CD6: variants seen among roughly 807,000 people sequenced by gnomAD.
CD6 encodes CD6 molecule.
A neutral mutation model predicts 75.3 loss-of-function variants in CD6; 53 were observed. The observed-to-expected ratio is 0.70, with a 90% CI of 0.56 to 0.88. The LOEUF is 0.88. Among genes scored for constraint, CD6 ranks in the 40% least tolerant of loss-of-function variants. The pLI is 0.00. For synonymous variants in CD6, 359 were observed against 381.5 expected (o/e 0.94, Z 0.69); for missense variants, 770 against 897.1 (o/e 0.86, Z 1.81).
intron 9 of CD6, among the ~76,000 whole-genome samples, chr11:61,016,488 G>A (rs1565162385): frequency 6.6e-6 from 1 of 152,256 alleles, no homozygotes. Flanking sequence ...GTGTGTGACA[G>A]AAAGCTCCAA....
At chr11:61,006,494 G>A (rs1302151172) in intron 1 of CD6, 80 bp from the exon 2 acceptor site, 2 of 1,180,632 alleles carry the variant, frequency 1.7e-6, no homozygotes, top group Admixed American at 4.0e-5. Context: ...TCCAGGAAGT[G>A]CCCCCTGCTC....
intron 1 of CD6, among the ~76,000 whole-genome samples, chr11:60,973,087 C>G (rs909462275): frequency 6.6e-6 from 1 of 152,224 alleles, no homozygotes; most frequent in African/African-American, 2.4e-5. Context: ...TTCCTCTTCC[C>G]CATGAAGCCC....
rs1369127270 is a variant in CD6 at position 61,009,745 on chromosome 11, C to G, written c.955C>G (p.Pro319Ala). ...TGCGGTTGAGAGGCCCAAGGGGCTGCCCCACTCCTTGTCCGGCAGGATGTA... is the reference window on the plus strand; with the variant it reads ...TGCGGTTGAGAGGCCCAAGGGGCTGGCCCACTCCTTGTCCGGCAGGATGTA... ...GTAVERPKGL[P>A]HSLSGRMYYS... is the part of the protein sequence containing the mutation. The change falls in exon 5 of 13, where the codon CCC (proline) becomes GCC (alanine). Residue 319 changes from proline (P) to alanine (A), a missense_variant. Physicochemically the swap from Pro to Ala is conservative, Grantham distance 27. Coordinates refer to ENST00000313421, the MANE Select transcript of CD6 (RefSeq NM_006725.5). 1 of 1,613,958 alleles carries G rather than the reference C, an allele frequency of 6.2e-7. No individual in the cohort carries two copies. The highest frequency in any genetic ancestry group is 1.1e-5 in the South Asian group (1 of 91,078).
intron 6 of CD6, among the ~76,000 whole-genome samples, chr11:61,012,831 G>A (rs545445321): frequency 4.6e-5 from 7 of 152,324 alleles, no homozygotes; most frequent in African/African-American, 1.4e-4. Flanking sequence ...AAGGAGGGGG[G>A]ACTCAGGCAC....
chr11:61,013,679 C>A, intron 7 of CD6, 116 bp downstream of exon 7: 2 of 1,176,628 alleles, frequency 1.7e-6, no homozygotes, highest in Non-Finnish European at 2.4e-6. Flanking sequence ...CTGGGGAGAT[C>A]CCCAAGGTGG....
chr11:60,977,864 C>T (rs1446298448), intron 1 of CD6, among the ~76,000 whole-genome samples: 1 of 152,176 alleles, frequency 6.6e-6, no homozygotes, highest in Admixed American at 6.5e-5. Flanking sequence ...ATATCACTCC[C>T]TTAAATGGAA....
rs1554995701 is a variant in CD6, at chr11:61,005,941, A to AAG, written c.50-632_50-631insGA. Reference sequence around the variant, plus strand: ...AGCGAAACTCTGTCTCAAAAAAAAAAAAAGAAAGAAAGAAAGAAAGTAAAT... The same window carrying AAG: ...AGCGAAACTCTGTCTCAAAAAAAAAAAGAAAGAAAGAAAGAAAGAAAGTAAAT... On this transcript the variant is annotated intron_variant, in intron 1 of 12. Transcript: ENST00000313421. 5.3e-5 allele frequency among the ~76,000 whole-genome samples: 8 copies of AAG among 151,324 alleles called. No homozygotes were observed. The East Asian group carries it at 1.2e-3, about 22-fold the overall frequency.
chr11:61,007,253 G>A lies in CD6; in HGVS notation c.119-307G>A, dbSNP rs1023990238. ...CTCTGCCTTTCTTTCACAAACGGGT[G>A]CCCCTGGAGACAGGAGCAAGTGAGG... On this transcript the variant is annotated intron_variant, in intron 2 of 12. Transcript: ENST00000313421. This position sits in a 1 kb window ranked among gnomAD's most constrained non-coding sequence, Gnocchi z 4.2. Among the ~76,000 whole-genome samples, 2 of 152,170 alleles carry A rather than the reference G, an allele frequency of 1.3e-5. No homozygotes were observed. Among genetic ancestry groups the A allele is most frequent in the Non-Finnish European group, 2.9e-5 (2 of 68,024 alleles).
At chr11:60,989,956 T>A (rs1217299717) in intron 1 of CD6, among the ~76,000 whole-genome samples, 1 of 152,246 alleles carries the variant, frequency 6.6e-6, no homozygotes, top group Non-Finnish European at 1.5e-5. Flanking sequence ...TGCATTGATA[T>A]GACTCGGACA....
intron 9 of CD6, among the ~76,000 whole-genome samples, chr11:61,016,058 C>T (rs1005297162): frequency 6.6e-6 from 1 of 152,224 alleles, no homozygotes; most frequent in Non-Finnish European, 1.5e-5. Context: ...TCCACTCTGA[C>T]CTCTGTCTCT....
intron 3 of CD6, 99 bp from the exon 4 acceptor site, chr11:61,008,435 C>G (rs1858981677): frequency 1.7e-5 from 20 of 1,196,762 alleles, no homozygotes; most frequent in Non-Finnish European, 2.1e-5. Flanking sequence ...CTCACTGGGT[C>G]CACAACACGC....
chr11:60,999,090 G>A (rs544121330), intron 1 of CD6, among the ~76,000 whole-genome samples: 124 of 152,116 alleles, frequency 8.2e-4, no homozygotes, highest in African/African-American at 2.1e-3. Context: ...CTCGGGAGGC[G>A]GAGGTTGCAG....
At chr11:60,994,169 G>A (rs1454902658) in intron 1 of CD6, among the ~76,000 whole-genome samples, 12 of 152,090 alleles carry the variant, frequency 7.9e-5, no homozygotes, top group Non-Finnish European at 1.2e-4. Flanking sequence ...GGCCGGGCGC[G>A]GTGGCTCATG....
Position 61,009,556 on chromosome 11 carries a change from TGC to T in CD6, c.782-15_782-14del. ...AGGATTCTGACCTGACTCTGTCCCCTGCCCCTTCCCTGCAGAGCACCAGTCCT... is the reference window on the plus strand; with the variant it reads ...AGGATTCTGACCTGACTCTGTCCCCTCCCTTCCCTGCAGAGCACCAGTCCT... On this transcript the variant is annotated splice_polypyrimidine_tract_variant and intron_variant, in intron 4 of 12. Transcript: ENST00000313421. 6.3e-7 allele frequency: 1 copy of T among 1,580,026 alleles called. No individual in the cohort carries two copies. Among genetic ancestry groups the T allele is most frequent in the Non-Finnish European group, 8.6e-7 (1 of 1,164,134 alleles).
intron 1 of CD6, among the ~76,000 whole-genome samples, chr11:60,973,875 G>A (rs1185339128): frequency 6.6e-6 from 1 of 152,184 alleles, no homozygotes; most frequent in East Asian, 1.9e-4. Context: ...CCAGGCAGGA[G>A]GAAGACTGCA....
chr11:60,997,108 G>T (rs1450060934), intron 1 of CD6, among the ~76,000 whole-genome samples: 1 of 152,144 alleles, frequency 6.6e-6, no homozygotes, highest in Non-Finnish European at 1.5e-5. Flanking sequence ...GGGCATGGTG[G>T]CTCATGCCTG....
chr11:60,985,174 C>CTTTTTTTTTTTT (rs71043735), intron 1 of CD6: 1 of 59,964 alleles, frequency 1.7e-5, no homozygotes, highest in Non-Finnish European at 3.3e-5. Flanking sequence ...GCACCCACTC[C>CTTTTTTTTTTTT]TTTTTTTTTT....
intron 1 of CD6, among the ~76,000 whole-genome samples, chr11:60,978,299 T>C (rs11230542): frequency 0.077 from 11,796 of 152,224 alleles, 621 homozygotes; most frequent in Non-Finnish European, 0.12. Context: ...GTCCTACACA[T>C]GAGACCCCCA....
chr11:60,993,006 C>CTTA (rs1858130127), intron 1 of CD6, among the ~76,000 whole-genome samples: 1 of 152,170 alleles, frequency 6.6e-6, no homozygotes, highest in Non-Finnish European at 1.5e-5. Flanking sequence ...AATCCCTACT[C>CTTA]TTATCCCTTG....
Sources: gnomAD v4.1 joint callset for allele counts (sites outside exome capture counted in the v4.1 genomes callset) on GRCh38, gnomAD v4.1.1 for gene constraint, Gnocchi (gnomAD v3.1) non-coding constraint, MANE v1.5 for transcripts, NCBI Gene and HGNC (gene_info 2026-07-23, HGNC 2026-07-21) for gene names.